PTPRF: variants seen among roughly 807,000 people sequenced by gnomAD.
The protein encoded by PTPRF is protein tyrosine phosphatase receptor type F.
In PTPRF, 59 loss-of-function variants were observed where a neutral mutation model predicts 201.8. The observed-to-expected ratio is 0.29, with a 90% confidence interval of 0.24 to 0.36. The LOEUF is 0.36. PTPRF is among the 10% of genes least tolerant of loss of function. The probability of loss-of-function intolerance (pLI) is 1.00; values close to 1 mark genes in which losing one functional copy is unlikely to be tolerated. For missense variants in PTPRF, 2,132 were observed against 2,690.5 expected, an observed-to-expected ratio of 0.79 and a Z score of 4.59; for synonymous variants, 1,088 against 1,089.7, an observed-to-expected ratio of 1.00 and a Z score of 0.03.
Position 43,606,154 on chromosome 1 carries a change from C to T in PTPRF, c.3484-86C>T. 7.7e-6 allele frequency: 11 copies of T among 1,434,798 alleles called. No individual in the cohort carries two copies. In the South Asian group the frequency reaches 1.3e-4, roughly 17 times the overall value. The allele number at this position is 1,434,798 out of a possible 1,614,324, so 88.9% of individuals were successfully genotyped here. ...CGGAAGGTGAGCCTTGATCTCGGCC[C>T]AGGGAGCTGACATCCCAGGCCACAG... is the stretch of plus-strand genomic sequence containing the variant. On this transcript the variant is annotated intron_variant, in intron 19 of 33. Coordinates refer to ENST00000359947, the MANE Select transcript of PTPRF (RefSeq NM_002840.5).
rs1286600229 is a variant in PTPRF, at chr1:43,603,235, C to T, written c.2341-181C>T. 1.3e-5 allele frequency among the ~76,000 whole-genome samples: 2 copies of T among 152,130 alleles called. No individual in the cohort carries two copies. Among genetic ancestry groups the T allele is most frequent in the Non-Finnish European group, 2.9e-5 (2 of 68,002 alleles). Reference sequence around the variant, plus strand: ...CTGGGATGGGCGGGGTCCTCCCAGGCCTGCATCCTACCTGCCTGCTTCCTC... The same window carrying T: ...CTGGGATGGGCGGGGTCCTCCCAGGTCTGCATCCTACCTGCCTGCTTCCTC... On this transcript the variant is annotated intron_variant, in intron 14 of 33. Coordinates refer to ENST00000359947, the MANE Select transcript of PTPRF (RefSeq NM_002840.5). This position sits in a 1 kb window ranked among gnomAD's most constrained non-coding sequence, Gnocchi z 5.8.
chr1:43,531,145 T>A (rs1163512438), intron 1 of PTPRF, 55 bp downstream of exon 1: 1 of 61,474 alleles, frequency 1.6e-5, no homozygotes, highest in African/African-American at 6.4e-5. Flanking sequence ...CCTTCCCCGC[T>A]CTCCTTGCCC....
chr1:43,524,254 A>C (rs1248875794), upstream of PTPRF, among the ~76,000 whole-genome samples: 1 of 152,134 alleles, frequency 6.6e-6, no homozygotes, highest in Non-Finnish European at 1.5e-5. Context: ...TATTGGGTAC[A>C]ATGTTCGATA....
chr1:43,526,716 G>A (rs1643130860), upstream of PTPRF, among the ~76,000 whole-genome samples: 1 of 152,206 alleles, frequency 6.6e-6, no homozygotes, highest in South Asian at 2.1e-4. Flanking sequence ...TGCAACTGCG[G>A]GGGCCTGTGG....
At chr1:43,551,381 C>T (rs1645029281) in intron 3 of PTPRF, among the ~76,000 whole-genome samples, 1 of 152,146 alleles carries the variant, frequency 6.6e-6, no homozygotes. Context: ...GCCAACTTTG[C>T]AGACAGCTGC....
At chr1:43,582,895 G>A (rs915237845) in intron 7 of PTPRF, among the ~76,000 whole-genome samples, 4 of 152,348 alleles carry the variant, frequency 2.6e-5, no homozygotes, top group South Asian at 4.1e-4. Context: ...TGTGAGTGAT[G>A]TGGTTCGTGT....
chr1:43,559,836 C>T (rs540666454), intron 5 of PTPRF, among the ~76,000 whole-genome samples: 3 of 135,922 alleles, frequency 2.2e-5, no homozygotes, highest in East Asian at 2.3e-4. Context: ...TTATGTGCAG[C>T]GAGTAGTTTG....
At position 43,604,186 on chromosome 1, in the gene PTPRF, C is replaced by G; in HGVS notation, c.3034C>G (p.Gln1012Glu). ...SIQSRTMPVEQVFAKNFRVAA... is the reference protein window; with the variant it reads ...SIQSRTMPVEEVFAKNFRVAA... ...CCAGTCCCGGACCATGCCGGTGGAG[C>G]AAGGTGTGTGCTGTGGACATGGCAT... Residue 1012 changes from glutamine (Q) to glutamate (E), a missense_variant, in exon 16 of 34, where the codon CAA becomes GAA. Gln to Glu is a conservative substitution (Grantham distance 29). Around this residue, in one of 6 missense-constraint regions of PTPRF, gnomAD observed 818 missense variants for 915.3 expected, o/e 0.89. Coordinates refer to ENST00000359947, the MANE Select transcript of PTPRF (RefSeq NM_002840.5). 1 of 1,613,298 alleles carries G rather than the reference C, an allele frequency of 6.2e-7. No individual in the cohort carries two copies.
At chr1:43,578,711 TG>T (rs1647104423) in intron 6 of PTPRF, 98 bp from the exon 7 acceptor site, 2 of 885,576 alleles carry the variant, frequency 2.3e-6, no homozygotes, top group Non-Finnish European at 3.6e-6. Flanking sequence ...CTTCGACATC[TG>T]GTCAACATCA....
At position 43,591,963 on chromosome 1, in the gene PTPRF, G is replaced by A. The variant is rs748326717; in HGVS notation, c.1668+15G>A. On this transcript the variant is annotated intron_variant, in intron 10 of 33. Transcript: ENST00000359947. The stretch of plus-strand genomic sequence containing the variant: ...AAGACCAACAGGTGTGCAGCGGGCA[G>A]AGAAGCACTGAGGGGGTCTCCTGGT... 4 of 1,612,974 alleles carry A rather than the reference G, an allele frequency of 2.5e-6. No individual in the cohort carries two copies. In the South Asian group the frequency reaches 4.4e-5, roughly 18 times the overall value.
At chr1:43,536,638 C>T (rs1210097731) in intron 1 of PTPRF, among the ~76,000 whole-genome samples, 2 of 152,224 alleles carry the variant, frequency 1.3e-5, no homozygotes, top group South Asian at 2.1e-4. Flanking sequence ...TGAGGCCCTG[C>T]GGGCATCTCT....
rs1020460012 is a variant in PTPRF at position 43,592,737 on chromosome 1, T to C, written c.1813+136T>C. The C allele has an allele frequency of 1.2e-5, 14 of 1,129,460 alleles. No individual in the cohort carries two copies. In the African/African-American group the frequency reaches 2.1e-4, roughly 17 times the overall value. The allele number at this position is 1,129,460 out of a possible 1,614,324, so 70.0% of individuals were successfully genotyped here. A position where few individuals can be genotyped will look rare whatever the true frequency, so the allele number is the denominator to read the frequency against. ...GGCCAAACCGAACTCTGGCCTGGGC[T>C]CTGAGTCTGGGCCTCGGGAGAGGGC... On this transcript the variant is annotated intron_variant, in intron 11 of 33. Transcript: ENST00000359947.
chr1:43,532,277 C>A (rs867768800), intron 1 of PTPRF, among the ~76,000 whole-genome samples: 1 of 152,338 alleles, frequency 6.6e-6, no homozygotes, highest in Non-Finnish European at 1.5e-5. Context: ...CCCCTGCCCC[C>A]CAGTGCACGG....
intron 3 of PTPRF, among the ~76,000 whole-genome samples, chr1:43,551,700 A>G (rs76759056): frequency 0.014 from 2,207 of 152,284 alleles, 59 homozygotes; most frequent in African/African-American, 0.05. Context: ...AAATGGGGAT[A>G]ATAATACTAC....
At chr1:43,568,875 T>C (rs1377529550) in intron 5 of PTPRF, among the ~76,000 whole-genome samples, 5 of 152,230 alleles carry the variant, frequency 3.3e-5, no homozygotes, top group Non-Finnish European at 7.3e-5. Flanking sequence ...TTTGTGTCTT[T>C]AGAGCTTTTT....
upstream of PTPRF, among the ~76,000 whole-genome samples, chr1:43,526,537 G>A (rs1011406224): frequency 9.9e-5 from 15 of 152,156 alleles, no homozygotes; most frequent in African/African-American, 3.4e-4. Context: ...TAAATAGGCC[G>A]TTTTGTAGTT....
intron 5 of PTPRF, among the ~76,000 whole-genome samples, chr1:43,566,853 T>C (rs1646223773): frequency 6.6e-6 from 1 of 152,112 alleles, no homozygotes; most frequent in African/African-American, 2.4e-5. Context: ...CTCCACACAT[T>C]CTGGTTTTAG....
At chr1:43,617,354 G>A in intron 23 of PTPRF, 91 bp from the exon 24 acceptor site, 1 of 1,551,346 alleles carries the variant, frequency 6.4e-7, no homozygotes, top group Non-Finnish European at 8.8e-7. Flanking sequence ...GGCAGGATGT[G>A]AGCATCACCG....
In PTPRF at chr1:43,546,699, ACCCAACGCGC is replaced by A. The variant is rs1171186245; in HGVS notation, c.91+1540_91+1549del. Among the ~76,000 whole-genome samples the A allele has an allele frequency of 6.6e-6, 1 of 151,770 alleles. No individual in the cohort carries two copies. The highest frequency in any genetic ancestry group is 1.9e-4 in the East Asian group (1 of 5,174). On this transcript the variant is annotated intron_variant, in intron 3 of 33. Coordinates refer to ENST00000359947, the MANE Select transcript of PTPRF (RefSeq NM_002840.5). The surrounding 1 kb of genome is among the most constrained non-coding windows in gnomAD (Gnocchi z 4.2). The stretch of plus-strand genomic sequence containing the variant: ...AGCTGCCCTCCTCCTCCTGCCTCAG[ACCCAACGCGC>A]CCCAACCTGTACCCCTCACTCTCAT...
Sources: allele counts gnomAD v4.1 joint callset (sites outside exome capture counted in the v4.1 genomes callset), GRCh38; gene constraint gnomAD v4.1.1; regional missense constraint gnomAD v4.1.1; non-coding constraint Gnocchi (gnomAD v3.1); transcripts MANE v1.5; gene names NCBI Gene and HGNC (gene_info 2026-07-23, HGNC 2026-07-21).